TG: variants seen among roughly 807,000 people sequenced by gnomAD.
TG encodes thyroid hormones.
A neutral mutation model predicts 324.7 loss-of-function variants in TG; 270 were observed. The observed-to-expected ratio is 0.83, with a 90% CI of 0.75 to 0.92. The LOEUF (loss-of-function observed/expected upper bound fraction) is 0.92, where lower values mean the gene tolerates loss of function less well. TG is among the 40% of genes least tolerant of loss of function. TG has a pLI of 0.00. For missense variants in TG, 3,591 were observed against 3,456.4 expected, an observed-to-expected ratio of 1.04 and a Z score of -0.98; for synonymous variants, 1,401 against 1,327.0, an observed-to-expected ratio of 1.06 and a Z score of -1.21.
chr8:132,967,710 T>G (rs1828837683), intron 30 of TG, 84 bp from the exon 31 acceptor site: 1 of 1,497,510 alleles, frequency 6.7e-7, no homozygotes, highest in Admixed American at 1.8e-5. Flanking sequence ...TACCAGGCAT[T>G]TCCCCACCCA....
At chr8:132,949,015 T>C in intron 27 of TG, 72 bp downstream of exon 27, 1 of 1,422,062 alleles carries the variant, frequency 7.0e-7, no homozygotes, top group Non-Finnish European at 9.8e-7. Flanking sequence ...TGCTACTTTC[T>C]TATGAGCCCT....
chr8:133,084,719 C>A (rs889596608), intron 41 of TG, among the ~76,000 whole-genome samples: 1 of 152,226 alleles, frequency 6.6e-6, no homozygotes, highest in Admixed American at 6.5e-5. Flanking sequence ...CATTTCCCAG[C>A]AGAAGTGCCC....
intron 8 of TG, among the ~76,000 whole-genome samples, chr8:132,886,203 G>T (rs1392394936): frequency 6.6e-6 from 1 of 152,180 alleles, no homozygotes; most frequent in Non-Finnish European, 1.5e-5. Flanking sequence ...TAGAAGGGAT[G>T]AACCTCTAGT....
Position 132,886,720 on chromosome 8 carries a change from T to G in TG, c.1348T>G (p.Ser450Ala). 6.2e-7 allele frequency: 1 copy of G among 1,614,088 alleles called. No homozygotes were observed. Among genetic ancestry groups the G allele is most frequent in the South Asian group, 1.1e-5 (1 of 91,078 alleles). ...LKEAIRAIFP[S>A]RGLARLALQF... is the part of the protein sequence containing the mutation. ...AGAAGCCATCCGAGCAATTTTTCCC[T>G]CCCGAGGGCTGGCTCGTCTTGCCCT... Residue 450 changes from serine to alanine, a missense_variant, in exon 9 of 48, where the codon TCC (serine) becomes GCC (alanine). Coordinates refer to ENST00000220616, the MANE Select transcript of TG (RefSeq NM_003235.5).
chr8:133,084,938 C>A (rs1846296504), intron 41 of TG, among the ~76,000 whole-genome samples: 3 of 152,222 alleles, frequency 2.0e-5, no homozygotes, highest in Non-Finnish European at 1.5e-5. Context: ...GGCCTGAATC[C>A]AATTCCCCAG....
At chr8:132,985,968 A>G (rs1450357925) in intron 35 of TG, among the ~76,000 whole-genome samples, 1 of 151,938 alleles carries the variant, frequency 6.6e-6, no homozygotes, top group African/African-American at 2.4e-5. Flanking sequence ...GGGAGAGAGG[A>G]TAAAGGGCAG....
chr8:132,872,700 G>T (rs1197986144), intron 4 of TG, among the ~76,000 whole-genome samples: 2 of 152,148 alleles, frequency 1.3e-5, no homozygotes, highest in South Asian at 2.1e-4. Context: ...CCATACAGGT[G>T]TACTATTCTT....
In TG at chr8:132,904,940, C is replaced by T. The variant is rs752656331; in HGVS notation, c.3635-1748C>T. The stretch of plus-strand genomic sequence containing the variant: ...GGGGCAAAGATAATGGGGTTCAAAT[C>T]CTGATTTTTCTGTTTACTAGCTATC... On this transcript the variant is annotated intron_variant, in intron 16 of 47. Transcript: ENST00000220616. 1.8e-4 allele frequency among the ~76,000 whole-genome samples: 27 copies of T among 152,080 alleles called. 1 individual carries two copies. The highest frequency in any genetic ancestry group is 1.2e-4 in the Non-Finnish European group (8 of 67,986).
At chr8:133,010,560 G>A (rs1315740283) in intron 35 of TG, among the ~76,000 whole-genome samples, 2 of 152,150 alleles carry the variant, frequency 1.3e-5, no homozygotes, top group African/African-American at 4.8e-5. Context: ...CATCTCTGCA[G>A]GAGTGTTCTG....
At chr8:132,928,908 GA>G (rs781410121) in intron 22 of TG, among the ~76,000 whole-genome samples, 167 bp from the exon 23 acceptor site, 51 of 152,218 alleles carry the variant, frequency 3.4e-4, no homozygotes, top group Non-Finnish European at 6.6e-4. Context: ...TTTAGATATG[GA>G]GCAGTATGTT....
At chr8:133,060,369 A>G in intron 41 of TG, 1 of 1,533,708 alleles carries the variant, frequency 6.5e-7, no homozygotes, top group Non-Finnish European at 8.8e-7. Flanking sequence ...ACTTTTGCGC[A>G]GCTCAAGTTC....
chr8:132,967,808 C>G lies in TG; in HGVS notation c.5701C>G (p.His1901Asp), dbSNP rs779309129. Residue 1901 changes from histidine to aspartate, a missense_variant, in exon 31 of 48, where the codon CAC becomes GAC. Coordinates refer to ENST00000220616, the MANE Select transcript of TG (RefSeq NM_003235.5). ...CTTGCCTGTAGGTTGTGTGCAGGAG[C>G]ACTCTTTCTGTCAGCTCGCAGAGAT... ...LWCLSRCVQE[H>D]SFCQLAEITE... 6.2e-7 allele frequency: 1 copy of G among 1,613,702 alleles called. No individual in the cohort carries two copies. The highest frequency in any genetic ancestry group is 1.3e-5 in the African/African-American group (1 of 74,888).
intron 28 of TG, among the ~76,000 whole-genome samples, chr8:132,961,746 T>C (rs1360364475): frequency 7.1e-6 from 1 of 140,712 alleles, no homozygotes; most frequent in Non-Finnish European, 1.5e-5. Context: ...CATGGCCATA[T>C]GTGCTGGGTG....
chr8:132,949,351 C>T (rs1372708924), intron 27 of TG, among the ~76,000 whole-genome samples: 2 of 152,212 alleles, frequency 1.3e-5, no homozygotes, highest in African/African-American at 4.8e-5. Flanking sequence ...TAAGCAAGGC[C>T]TCTGTTGGTG....
intron 27 of TG, among the ~76,000 whole-genome samples, chr8:132,949,159 A>G (rs1825762219): frequency 6.6e-6 from 1 of 152,124 alleles, no homozygotes; most frequent in Admixed American, 6.6e-5. Context: ...TTGCAGGTGG[A>G]CTGTGGGCAG....
At chr8:133,094,854 G>A in intron 41 of TG, 190 bp from the exon 42 acceptor site, 2 of 735,124 alleles carry the variant, frequency 2.7e-6, no homozygotes, top group Admixed American at 2.1e-5. Context: ...GACATCTTCA[G>A]TATCACACTG....
At chr8:132,875,407 T>TTTGTA (rs1449579023) in intron 5 of TG, among the ~76,000 whole-genome samples, 1 of 152,218 alleles carries the variant, frequency 6.6e-6, no homozygotes, top group Non-Finnish European at 1.5e-5. Context: ...ATTATAGTCA[T>TTTGTA]TACTATACAA....
At chr8:132,990,679 G>A (rs1012238681) in intron 35 of TG, among the ~76,000 whole-genome samples, 1 of 152,058 alleles carries the variant, frequency 6.6e-6, no homozygotes, top group African/African-American at 2.4e-5. Flanking sequence ...CATGCTAAAT[G>A]CTTTCTATAT....
chr8:132,882,216 G>A (rs1043932045), intron 6 of TG, among the ~76,000 whole-genome samples: 1 of 152,248 alleles, frequency 6.6e-6, no homozygotes, highest in Non-Finnish European at 1.5e-5. Flanking sequence ...GGCAGATGCA[G>A]CCCCGAAATT....
Sources: allele counts gnomAD v4.1 joint callset (sites outside exome capture counted in the v4.1 genomes callset), GRCh38; gene constraint gnomAD v4.1.1; transcripts MANE v1.5; gene names NCBI Gene and HGNC (gene_info 2026-07-23, HGNC 2026-07-21).